The following HERC1 variants were observed in gnomAD, a reference collection of about 807,000 sequenced individuals.
HERC1 encodes the protein probable E3 ubiquitin-protein ligase HERC1.
Under a neutral mutation model 554.3 loss-of-function variants are expected in HERC1, and 160 were observed. That is an observed-to-expected ratio of 0.29 (90% CI 0.25 to 0.33). The LOEUF is 0.33. HERC1 is among the 10% of genes least tolerant of loss of function. The pLI is 1.00. For missense variants in HERC1, 4,919 were observed against 5,918.5 expected (o/e 0.83, Z 5.54); for synonymous variants, 2,175 against 2,131.7 (o/e 1.02, Z -0.56).
At chr15:63,688,609 A>C (rs905984414) in intron 33 of HERC1, among the ~76,000 whole-genome samples, 1 of 152,236 alleles carries the variant, frequency 6.6e-6, no homozygotes, top group Non-Finnish European at 1.5e-5. Flanking sequence ...GGATTAATCC[A>C]ACACTTAGAT....
chr15:63,792,168 A>C lies in HERC1; in HGVS notation c.-26-16519T>G, dbSNP rs16947442. On this transcript the variant is annotated intron_variant, in intron 1 of 77. Coordinates refer to ENST00000443617, the MANE Select transcript of HERC1 (RefSeq NM_003922.4). ...AGCTACAAAGAGACCAGTGCAATTCAATAAATATTAGATGGTATCAGGAAA... is the reference window on the plus strand; with the variant it reads ...AGCTACAAAGAGACCAGTGCAATTCCATAAATATTAGATGGTATCAGGAAA... 5.2e-3 allele frequency among the ~76,000 whole-genome samples: 798 copies of C among 152,336 alleles called. 9 individuals carry two copies. The highest frequency in any genetic ancestry group is 0.018 in the African/African-American group (769 of 41,570).
chr15:63,703,466 A>C (rs2072838649), intron 25 of HERC1, among the ~76,000 whole-genome samples: 2 of 152,254 alleles, frequency 1.3e-5, no homozygotes, highest in South Asian at 2.1e-4. Context: ...AAACAGCATT[A>C]TCTCTCTCCT....
intron 38 of HERC1, among the ~76,000 whole-genome samples, 163 bp downstream of exon 38, chr15:63,674,179 T>C (rs192973789): frequency 1.3e-5 from 2 of 150,530 alleles, no homozygotes; most frequent in Admixed American, 6.6e-5. Flanking sequence ...AGAAAAATAA[T>C]AAAAAAGAAC....
At position 63,664,391 on chromosome 15, in the gene HERC1, G is replaced by A. The variant is rs575054231; in HGVS notation, c.8680+79C>T. The A allele has an allele frequency of 1.7e-5, 23 of 1,350,278 alleles. No homozygotes were observed. The African/African-American group carries it at 2.9e-4, about 17-fold the overall frequency. The allele number at this position is 1,350,278 out of a possible 1,614,324, so 83.6% of individuals were successfully genotyped here. ...ACTGAGCACTTAGTATCATTAGTTTGAATCTTCTTTAATGTGCCTTTACAT... is the reference window on the plus strand; with the variant it reads ...ACTGAGCACTTAGTATCATTAGTTTAAATCTTCTTTAATGTGCCTTTACAT... On this transcript the variant is annotated intron_variant, in intron 43 of 77. Coordinates refer to ENST00000443617, the MANE Select transcript of HERC1 (RefSeq NM_003922.4).
intron 12 of HERC1, among the ~76,000 whole-genome samples, chr15:63,738,461 T>C (rs1348591669): frequency 1.3e-5 from 2 of 152,182 alleles, no homozygotes; most frequent in African/African-American, 4.8e-5. Context: ...ATAATGGTTA[T>C]GTAAGACATT....
chr15:63,651,109 C>T (rs1044046841), intron 53 of HERC1, 144 bp downstream of exon 53: 3 of 675,816 alleles, frequency 4.4e-6, no homozygotes, highest in Non-Finnish European at 7.4e-6. Context: ...TTGAAGCACA[C>T]AGTGCATAGA....
At chr15:63,636,199 C>T in intron 64 of HERC1, 57 bp from the exon 65 acceptor site, 2 of 1,464,352 alleles carry the variant, frequency 1.4e-6, no homozygotes, top group Non-Finnish European at 1.9e-6. Context: ...CTCCTCTTTA[C>T]TTGCAGCTGC....
intron 55 of HERC1, among the ~76,000 whole-genome samples, chr15:63,647,177 C>G (rs2069397312): frequency 6.6e-6 from 1 of 151,908 alleles, no homozygotes; most frequent in Non-Finnish European, 1.5e-5. Flanking sequence ...TTGCTTGAAC[C>G]TGGGGGTTGG....
chr15:63,752,714 T>C (rs2075292407), intron 8 of HERC1: 2 of 343,454 alleles, frequency 5.8e-6, no homozygotes, highest in South Asian at 6.3e-5. Flanking sequence ...TAAAACATTT[T>C]AGAAAGTCAG....
intron 52 of HERC1, 95 bp from the exon 53 acceptor site, chr15:63,651,475 A>C (rs2069672964): frequency 1.7e-6 from 2 of 1,146,944 alleles, no homozygotes; most frequent in South Asian, 3.2e-5. Context: ...TATAGACTAG[A>C]GTGTATAACT....
chr15:63,831,760 A>G (rs1166826197), intron 1 of HERC1, among the ~76,000 whole-genome samples: 1 of 152,090 alleles, frequency 6.6e-6, no homozygotes, highest in East Asian at 1.9e-4. Context: ...TACTAACCCA[A>G]TCCAGTCCAA....
chr15:63,626,246 G>A (rs1003161775), intron 70 of HERC1, 92 bp from the exon 71 acceptor site: 6 of 1,256,942 alleles, frequency 4.8e-6, no homozygotes, highest in Admixed American at 4.6e-5. Flanking sequence ...GAGAAGTTGA[G>A]ATAATTACAC....
At chr15:63,635,534 C>T (rs1355004068) in intron 65 of HERC1, among the ~76,000 whole-genome samples, 1 of 152,174 alleles carries the variant, frequency 6.6e-6, no homozygotes, top group Non-Finnish European at 1.5e-5. Flanking sequence ...CTATAAGGTG[C>T]TATACAATCT....
intron 25 of HERC1, among the ~76,000 whole-genome samples, chr15:63,703,282 G>A (rs1233736999): frequency 2.0e-5 from 3 of 152,178 alleles, no homozygotes; most frequent in South Asian, 2.1e-4. Flanking sequence ...AGAAAAAGGC[G>A]CAATTGTGGT....
intron 33 of HERC1, among the ~76,000 whole-genome samples, chr15:63,687,891 G>A (rs2071868129): frequency 6.6e-6 from 1 of 152,198 alleles, no homozygotes; most frequent in Admixed American, 6.5e-5. Flanking sequence ...CCTAAGGAAT[G>A]AGCAGGATTA....
chr15:63,703,192 T>C (rs1213865024), intron 25 of HERC1, among the ~76,000 whole-genome samples: 1 of 151,940 alleles, frequency 6.6e-6, no homozygotes, highest in Non-Finnish European at 1.5e-5. Context: ...TCTGCCCACA[T>C]TTCTTTGCCC....
chr15:63,732,658 C>G (rs2074346642), intron 14 of HERC1, among the ~76,000 whole-genome samples: 1 of 152,184 alleles, frequency 6.6e-6, no homozygotes, highest in Non-Finnish European at 1.5e-5. Flanking sequence ...TTATTCTTCT[C>G]TCTAAAAATG....
Position 63,775,389 on chromosome 15 carries a change from A to C in HERC1, c.235T>G (p.Leu79Val). The C allele has an allele frequency of 1.2e-6, 2 of 1,614,008 alleles. No homozygotes were observed. Among genetic ancestry groups the C allele is most frequent in the South Asian group, 2.2e-5 (2 of 91,092 alleles). ...AGCTGGCTGCTAAGAAGGGCATCCA[A>C]ATAGTGGTCCTGCTCATCACTTGAA... ...SLSSDEQDHY[L>V]DALLSSQLAL... The change falls in exon 2 of 78, where the codon TTG (leucine) becomes GTG (valine). Residue 79 changes from leucine (L) to valine (V), a missense_variant. Leu to Val is a conservative substitution (Grantham distance 32). Coordinates refer to ENST00000443617, the MANE Select transcript of HERC1 (RefSeq NM_003922.4). The surrounding 1 kb of genome is among the most constrained non-coding windows in gnomAD (Gnocchi z 4.0).
At chr15:63,637,956 A>C (rs2068858437) in intron 63 of HERC1, among the ~76,000 whole-genome samples, 1 of 152,192 alleles carries the variant, frequency 6.6e-6, no homozygotes, top group Non-Finnish European at 1.5e-5. Context: ...CTCGTACATA[A>C]GAATGAGTCA....
Sources: allele counts gnomAD v4.1 joint callset (sites outside exome capture counted in the v4.1 genomes callset), GRCh38; gene constraint gnomAD v4.1.1; non-coding constraint Gnocchi (gnomAD v3.1); transcripts MANE v1.5; gene names NCBI Gene and HGNC (gene_info 2026-07-23, HGNC 2026-07-21).